Variants in ADAMTS7 observed in about 807,000 individuals in gnomAD.
ADAMTS7 encodes ADAM metallopeptidase with thrombospondin type 1 motif 7.
A neutral mutation model predicts 172.6 loss-of-function variants in ADAMTS7; 89 were observed. The observed-to-expected ratio is 0.52, with a 90% CI of 0.43 to 0.61. The LOEUF is 0.61. Among genes scored for constraint, ADAMTS7 ranks in the 20% least tolerant of loss-of-function variants. The pLI is 0.00. For synonymous variants in ADAMTS7, 885 were observed against 978.4 expected, an observed-to-expected ratio of 0.90 and a Z score of 1.78; for missense variants, 1,973 against 2,355.6, an observed-to-expected ratio of 0.84 and a Z score of 3.36.
intron 23 of ADAMTS7, among the ~76,000 whole-genome samples, chr15:78,761,479 A>G (rs887157105): frequency 1.3e-5 from 2 of 152,040 alleles, no homozygotes; most frequent in Admixed American, 6.5e-5. Flanking sequence ...GGGGGAGGGG[A>G]AAAAGCCACC....
chr15:78,779,943 A>G (rs867853824), intron 8 of ADAMTS7, among the ~76,000 whole-genome samples: 42 of 145,840 alleles, frequency 2.9e-4, no homozygotes, highest in African/African-American at 8.4e-4. Context: ...GCATGAGGCG[A>G]CCCTCACAGA....
At position 78,774,800 on chromosome 15, in the gene ADAMTS7, G is replaced by A. The variant is rs1371475332; in HGVS notation, c.1707-7C>T. 2 of 1,583,198 alleles carry A rather than the reference G, an allele frequency of 1.3e-6. No homozygotes were observed. Among genetic ancestry groups the A allele is most frequent in the Non-Finnish European group, 1.7e-6 (2 of 1,161,716 alleles). On this transcript the variant is annotated splice_region_variant and splice_polypyrimidine_tract_variant and intron_variant, in intron 11 of 23. Coordinates refer to ENST00000388820, the MANE Select transcript of ADAMTS7 (RefSeq NM_014272.5). ...TCTGCCTTTGTATTTGGGCCTGTGG[G>A]GAGAACCGGGGTGGGCCCCAGTGAC...
chr15:78,763,086 T>G (rs2055075507), intron 22 of ADAMTS7, among the ~76,000 whole-genome samples: 1 of 152,220 alleles, frequency 6.6e-6, no homozygotes, highest in African/African-American at 2.4e-5. Flanking sequence ...GCCCTGTGCT[T>G]CGTTGCGTTC....
At chr15:78,804,335 C>T (rs1251050727) in intron 1 of ADAMTS7, among the ~76,000 whole-genome samples, 1 of 152,208 alleles carries the variant, frequency 6.6e-6, no homozygotes, top group African/African-American at 2.4e-5. Context: ...GCTCTGGCAT[C>T]CATGCTTTCC....
In ADAMTS7 at chr15:78,766,208, T is replaced by C; in HGVS notation, c.3703A>G (p.Arg1235Gly). ...AAAGGGGGCAGCGTGGAGCTGGGTC[T>C]CGGGGGCAGGTGGGGTGCTCCTCGG... ...KGRGAPHLPPRPSSTLPPLSP... is the reference protein window; with the variant it reads ...KGRGAPHLPPGPSSTLPPLSP... The change falls in exon 19 of 24, where the codon AGA (arginine) becomes GGA (glycine). Residue 1235 changes from arginine to glycine, a missense_variant. By Grantham distance (125) the Arg-to-Gly change is moderately radical. This residue lies in a region of ADAMTS7 where 771 missense variants were observed against 952.6 expected (regional missense o/e 0.81). Coordinates refer to ENST00000388820, the MANE Select transcript of ADAMTS7 (RefSeq NM_014272.5). 6.2e-7 allele frequency: 1 copy of C among 1,611,860 alleles called. No individual in the cohort carries two copies. Among genetic ancestry groups the C allele is most frequent in the Admixed American group, 1.7e-5 (1 of 60,010 alleles).
rs747543647 is a variant in ADAMTS7, at chr15:78,763,753, G to A, written c.4686C>T (p.Thr1562=). 14 of 1,598,068 alleles carry A rather than the reference G, an allele frequency of 8.8e-6. No individual in the cohort carries two copies. The South Asian group carries it at 1.2e-4, about 14-fold the overall frequency. The change falls in exon 22 of 24, where the codon ACC becomes ACT. Residue 1562 remains threonine, a synonymous_variant. Coordinates refer to ENST00000388820, the MANE Select transcript of ADAMTS7 (RefSeq NM_014272.5). The part of the protein sequence containing the change: ...LCEEALRPNT[T]RPCNTHPCTQ... Reference sequence around the variant, plus strand: ...TGCAGGGGTGGGTGTTGCAGGGCCGGGTGGTGTTGGGTCTCAGCGCCTCCT... The same window carrying A: ...TGCAGGGGTGGGTGTTGCAGGGCCGAGTGGTGTTGGGTCTCAGCGCCTCCT...
At chr15:78,760,431 C>T (rs1318645634) in intron 23 of ADAMTS7, among the ~76,000 whole-genome samples, 1 of 152,110 alleles carries the variant, frequency 6.6e-6, no homozygotes, top group Non-Finnish European at 1.5e-5. Context: ...CAGCCCTGGG[C>T]CTGGGACATC....
chr15:78,781,082 C>A (rs1427504056), intron 8 of ADAMTS7, among the ~76,000 whole-genome samples: 1 of 152,190 alleles, frequency 6.6e-6, no homozygotes, highest in Non-Finnish European at 1.5e-5. Flanking sequence ...GCTGGATAAG[C>A]ATCTATATGC....
chr15:78,808,615 A>T (rs1046251319), intron 1 of ADAMTS7, among the ~76,000 whole-genome samples: 1 of 143,746 alleles, frequency 7.0e-6, no homozygotes, highest in Non-Finnish European at 1.5e-5. Context: ...AAGTTTAAAA[A>T]TAAGTAACTT....
chr15:78,770,916 G>A (rs1360907002), intron 16 of ADAMTS7: 16 of 542,356 alleles, frequency 3.0e-5, no homozygotes, highest in East Asian at 6.0e-5. Context: ...GAGGGAGAAC[G>A]CCAAGAGCTG....
chr15:78,800,260 G>C lies in ADAMTS7; in HGVS notation c.388C>G (p.Leu130Val), dbSNP rs56679199. Residue 130 changes from leucine (L) to valine (V), a missense_variant, in exon 2 of 24, where the codon CTG becomes GTG. Leu to Val is a conservative substitution (Grantham distance 32, BLOSUM62 1). Coordinates refer to ENST00000388820, the MANE Select transcript of ADAMTS7 (RefSeq NM_014272.5). ...TCAGGGTCCTGCACCTCGCCAAGCA[G>C]GTGGCAGGCCGGGGTGTGGGCCCGG... Reference protein sequence around the residue: ...HIRAHTPACHLLGEVQDPELE... With the variant: ...HIRAHTPACHVLGEVQDPELE... 1 of 1,595,428 alleles carries C rather than the reference G, an allele frequency of 6.3e-7. No individual in the cohort carries two copies. Among genetic ancestry groups the C allele is most frequent in the Non-Finnish European group, 8.5e-7 (1 of 1,178,266 alleles).
intron 4 of ADAMTS7, among the ~76,000 whole-genome samples, chr15:78,794,053 A>G (rs1312962598): frequency 2.0e-5 from 3 of 152,110 alleles, no homozygotes. Flanking sequence ...AGCCTGGCCA[A>G]TGTGGTGAAG....
At position 78,766,351 on chromosome 15, in the gene ADAMTS7, G is replaced by T; in HGVS notation, c.3560C>A (p.Pro1187His). ...ATCATTTTGGCTCTCAGGGGTGGCA[G>T]GTGTCTGCAGGCCATCAGTGGAAAC... The part of the protein sequence containing the change: ...PRVSTDGLQT[P>H]ATPESQNDFP... The change falls in exon 19 of 24, where the codon CCT (proline) becomes CAT (histidine). Residue 1187 changes from proline (P) to histidine (H), a missense_variant. Physicochemically the swap from Pro to His is moderately conservative, Grantham distance 77. Coordinates refer to ENST00000388820, the MANE Select transcript of ADAMTS7 (RefSeq NM_014272.5). 6.2e-7 allele frequency: 1 copy of T among 1,610,828 alleles called. No homozygotes were observed. The highest frequency in any genetic ancestry group is 1.1e-5 in the South Asian group (1 of 90,986).
intron 1 of ADAMTS7, among the ~76,000 whole-genome samples, chr15:78,802,735 G>A (rs1165196573): frequency 6.6e-6 from 1 of 152,198 alleles, no homozygotes; most frequent in Non-Finnish European, 1.5e-5. Flanking sequence ...GGTGGCTCAT[G>A]CCTGTAATCC....
intron 8 of ADAMTS7, among the ~76,000 whole-genome samples, chr15:78,786,896 C>T (rs1204997921): frequency 6.6e-6 from 1 of 152,112 alleles, no homozygotes; most frequent in Non-Finnish European, 1.5e-5. Flanking sequence ...AGATCATCCC[C>T]TGCCTTTCTC....
At position 78,767,283 on chromosome 15, in the gene ADAMTS7, T is replaced by G. The variant is rs367682635; in HGVS notation, c.2859+96A>C. On this transcript the variant is annotated intron_variant, in intron 18 of 23. Coordinates refer to ENST00000388820, the MANE Select transcript of ADAMTS7 (RefSeq NM_014272.5). ...TGGACCCTGGAATGCCCAGGTTCCC[T>G]CCCACCCACAAGGTCTCCAGGAAGG... is the stretch of plus-strand genomic sequence containing the variant. 82 of 1,468,916 alleles carry G rather than the reference T, an allele frequency of 5.6e-5. No individual in the cohort carries two copies. The East Asian group carries it at 1.1e-3, about 20-fold the overall frequency. The allele number at this position is 1,468,916 out of a possible 1,614,324, so 91.0% of individuals were successfully genotyped here.
Position 78,777,519 on chromosome 15 carries a change from A to T in ADAMTS7, c.1392T>A (p.Pro464=). 6.2e-7 allele frequency: 1 copy of T among 1,611,590 alleles called. No individual in the cohort carries two copies. The highest frequency in any genetic ancestry group is 1.1e-5 in the South Asian group (1 of 90,326). ...GGTGGCTTACATCATAGAGGACGCCAGGTGGCACCGAGGGGAAGTCGATAA... is the reference window on the plus strand; with the variant it reads ...GGTGGCTTACATCATAGAGGACGCCTGGTGGCACCGAGGGGAAGTCGATAA... ...KDIIDFPSVP[P]GVLYDVSHQC... is the part of the protein sequence containing the mutation. The change falls in exon 9 of 24, where the codon CCT becomes CCA. Residue 464 remains proline, a synonymous_variant. Coordinates refer to ENST00000388820, the MANE Select transcript of ADAMTS7 (RefSeq NM_014272.5).
At chr15:78,807,633 T>G (rs779642863) in intron 1 of ADAMTS7, among the ~76,000 whole-genome samples, 1 of 152,210 alleles carries the variant, frequency 6.6e-6, no homozygotes, top group Non-Finnish European at 1.5e-5. Flanking sequence ...ATGGGGATGA[T>G]AATAATTACA....
At chr15:78,767,106 C>T (rs1418913168) in intron 18 of ADAMTS7, 55 bp from the exon 19 acceptor site, 14 of 1,501,550 alleles carry the variant, frequency 9.3e-6, no homozygotes, top group African/African-American at 2.8e-5. Flanking sequence ...TGCCAGGGGA[C>T]GCTGGGGCAA....
Sources: allele counts gnomAD v4.1 joint callset (sites outside exome capture counted in the v4.1 genomes callset), GRCh38; gene constraint gnomAD v4.1.1; regional missense constraint gnomAD v4.1.1; transcripts MANE v1.5; gene names NCBI Gene and HGNC (gene_info 2026-07-23, HGNC 2026-07-21).